PARP8: variants seen among roughly 807,000 people sequenced by gnomAD.
PARP8 encodes the protein poly(ADP-ribose) polymerase family member 8, also known as protein mono-ADP-ribosyltransferase PARP8.
PARP8 carries 51 observed loss-of-function variants against 124.1 expected under a neutral mutation model. That is an observed-to-expected ratio of 0.41 (90% CI 0.33 to 0.52). The LOEUF (loss-of-function observed/expected upper bound fraction) is 0.52, where lower values mean the gene tolerates loss of function less well. PARP8 is among the 20% of genes least tolerant of loss of function. PARP8 has a pLI of 0.21. For missense variants in PARP8, 860 were observed against 1,018.9 expected (o/e 0.84, Z 2.12); for synonymous variants, 391 against 361.5 (o/e 1.08, Z -0.93).
chr5:50,778,725 C>G, intron 9 of PARP8, 75 bp downstream of exon 9: 2 of 905,530 alleles, frequency 2.2e-6, no homozygotes, highest in East Asian at 2.9e-5. Context: ...AATGCGTGTT[C>G]ATTTGTCAGT....
chr5:50,834,031 G>A lies in PARP8; in HGVS notation c.2360G>A (p.Cys787Tyr). The change falls in exon 24 of 26, where the codon TGC (cysteine) becomes TAC (tyrosine). Residue 787 changes from cysteine (C) to tyrosine (Y), a missense_variant. Coordinates refer to ENST00000281631, the MANE Select transcript of PARP8 (RefSeq NM_024615.4). Reference sequence around the variant, plus strand: ...TTCCTGCAAAGCCGTAACTTAAAATGCATAGCCTTATGTGAAGGTAAGTTG... The same window carrying A: ...TTCCTGCAAAGCCGTAACTTAAAATACATAGCCTTATGTGAAGGTAAGTTG... ...SQFLQSRNLK[C>Y]IALCEVITSS... 3 of 1,612,140 alleles carry A rather than the reference G, an allele frequency of 1.9e-6. No homozygotes were observed. Among genetic ancestry groups the A allele is most frequent in the Non-Finnish European group, 2.5e-6 (3 of 1,178,720 alleles).
intron 12 of PARP8, among the ~76,000 whole-genome samples, chr5:50,795,985 G>T (rs970066198): frequency 6.6e-6 from 1 of 152,098 alleles, no homozygotes; most frequent in African/African-American, 2.4e-5. Flanking sequence ...CGTTTTTGGG[G>T]GACATGGGAC....
At chr5:50,785,870 G>T (rs1741191324) in intron 9 of PARP8, among the ~76,000 whole-genome samples, 1 of 152,064 alleles carries the variant, frequency 6.6e-6, no homozygotes, top group South Asian at 2.1e-4. Context: ...TGCCCCACCT[G>T]TTGCTGTGAA....
At chr5:50,822,273 T>A (rs373301098) in intron 16 of PARP8, 62 bp from the exon 17 acceptor site, 1 of 1,147,592 alleles carries the variant, frequency 8.7e-7, no homozygotes, top group South Asian at 1.2e-5. Flanking sequence ...TCTAGTGATA[T>A]ACAGACTTGC....
chr5:50,685,557 C>G (rs1751768110), intron 2 of PARP8, among the ~76,000 whole-genome samples: 1 of 152,140 alleles, frequency 6.6e-6, no homozygotes, highest in African/African-American at 2.4e-5. Flanking sequence ...ATGAACTATC[C>G]TGAGGAAGAT....
rs574633970 is a variant in PARP8, at chr5:50,834,859, T to C, written c.2378-72T>C. The C allele has an allele frequency of 2.0e-3, 2,500 of 1,259,112 alleles. 4 individuals are homozygous for C. Among genetic ancestry groups the C allele is most frequent in the Non-Finnish European group, 2.3e-3 (2,017 of 866,564 alleles). 78.0% of individuals were successfully genotyped at this position (1,259,112 alleles called of 1,614,324 possible). On this transcript the variant is annotated intron_variant, in intron 24 of 25. Transcript: ENST00000281631. Reference sequence around the variant, plus strand: ...TGCTTTAGATTTCAACGAGAAGAGATATATTAAGTCGGAATGGACTAGGAT... The same window carrying C: ...TGCTTTAGATTTCAACGAGAAGAGACATATTAAGTCGGAATGGACTAGGAT...
At chr5:50,804,339 C>A (rs111838074) in intron 14 of PARP8, among the ~76,000 whole-genome samples, 1 of 152,116 alleles carries the variant, frequency 6.6e-6, no homozygotes, top group East Asian at 1.9e-4. Flanking sequence ...GAATCAGTTC[C>A]GTTCTGCTCC....
At chr5:50,799,084 A>G (rs2149659611) in intron 14 of PARP8, among the ~76,000 whole-genome samples, 1 of 152,216 alleles carries the variant, frequency 6.6e-6, no homozygotes, top group South Asian at 2.1e-4. Context: ...ATGAAGTCTT[A>G]TTTATCAATT....
chr5:50,744,897 T>C (rs1758390170), intron 2 of PARP8: 1 of 651,300 alleles, frequency 1.5e-6, no homozygotes, highest in Non-Finnish European at 2.7e-6. Flanking sequence ...TGGCATTTAT[T>C]ATGTACAGCA....
chr5:50,792,936 A>G (rs1742127861), intron 10 of PARP8, among the ~76,000 whole-genome samples: 1 of 152,126 alleles, frequency 6.6e-6, no homozygotes, highest in South Asian at 2.1e-4. Context: ...GATCCTGAGA[A>G]CTTAGTAACT....
intron 3 of PARP8, chr5:50,757,169 G>T (rs549658295): frequency 4.4e-6 from 2 of 455,940 alleles, no homozygotes; most frequent in Admixed American, 2.4e-5. Flanking sequence ...ATTGCTTCAA[G>T]ATCCTGGTTC....
chr5:50,821,359 A>G, intron 16 of PARP8, 21 bp downstream of exon 16: 1 of 1,613,066 alleles, frequency 6.2e-7, no homozygotes, highest in Non-Finnish European at 8.5e-7. Flanking sequence ...ATCATGGCAC[A>G]CCAATCACAA....
intron 9 of PARP8, among the ~76,000 whole-genome samples, chr5:50,784,139 G>A (rs1048661983): frequency 6.6e-6 from 1 of 152,132 alleles, no homozygotes; most frequent in Non-Finnish European, 1.5e-5. Context: ...GCTAATTCAA[G>A]ATTTAGACTG....
intron 14 of PARP8, among the ~76,000 whole-genome samples, chr5:50,804,045 G>A (rs1239090943): frequency 6.6e-6 from 1 of 152,108 alleles, no homozygotes; most frequent in Non-Finnish European, 1.5e-5. Flanking sequence ...CATGCACACA[G>A]TCATGGGCAA....
chr5:50,750,532 CATTT>C (rs942025577), intron 3 of PARP8, among the ~76,000 whole-genome samples: 3 of 151,934 alleles, frequency 2.0e-5, no homozygotes, highest in African/African-American at 7.2e-5. Flanking sequence ...TAATAGGTAA[CATTT>C]ATTTGTTTCA....
At chr5:50,695,440 A>T (rs1752923201) in intron 2 of PARP8, among the ~76,000 whole-genome samples, 1 of 152,186 alleles carries the variant, frequency 6.6e-6, no homozygotes, top group African/African-American at 2.4e-5. Flanking sequence ...TTGGAGTCTG[A>T]CCAGCTTAGC....
rs774691301 is a variant in PARP8, at chr5:50,815,480, G to T, written c.1624G>T (p.Gly542Ter). The T allele has an allele frequency of 3.8e-6, 6 of 1,599,312 alleles. No homozygotes were observed. Among genetic ancestry groups the T allele is most frequent in the Admixed American group, 1.7e-5 (1 of 57,538 alleles). The change falls in exon 15 of 26, where the codon GGA (glycine) becomes TGA (stop). Residue 542 changes from glycine (G) to a stop codon, truncating the protein, a stop_gained. Transcript: ENST00000281631. LOFTEE classifies it high-confidence loss of function. ...GTGTGTGTTTGCTTTTCAAACCCTG[G>T]GAGTAATGAATGAAGCTGCTGATGA... ...ELCVFAFQTL[G>*]VMNEAADEIA...
chr5:50,755,422 A>G (rs1441674858), intron 3 of PARP8, among the ~76,000 whole-genome samples: 1 of 152,226 alleles, frequency 6.6e-6, no homozygotes, highest in Non-Finnish European at 1.5e-5. Context: ...TCCCAGCACC[A>G]TTTGTTAAAT....
intron 21 of PARP8, among the ~76,000 whole-genome samples, chr5:50,829,121 G>C (rs977817230): frequency 6.6e-6 from 1 of 152,178 alleles, no homozygotes; most frequent in African/African-American, 2.4e-5. Flanking sequence ...AGAGCCATCT[G>C]ATACCTGCTT....
Sources: allele counts gnomAD v4.1 joint callset (sites outside exome capture counted in the v4.1 genomes callset), GRCh38; gene constraint gnomAD v4.1.1; transcripts MANE v1.5; gene names NCBI Gene and HGNC (gene_info 2026-07-23, HGNC 2026-07-21).